Variants in OLFM3 observed in about 807,000 individuals in gnomAD.
The protein encoded by OLFM3 is olfactomedin 3, also known as noelin-3.
A neutral mutation model predicts 48.6 loss-of-function variants in OLFM3; 20 were observed. The ratio of observed to expected loss-of-function variants is 0.41; its 90% CI spans 0.29 to 0.60. The LOEUF (loss-of-function observed/expected upper bound fraction) is 0.60, where lower values mean the gene tolerates loss of function less well. Ranked by LOEUF, OLFM3 falls within the 20% of genes least tolerant of loss-of-function variation. OLFM3 has a pLI of 0.28. For synonymous variants in OLFM3, 222 were observed against 198.1 expected, an observed-to-expected ratio of 1.12 and a Z score of -1.01; for missense variants, 437 against 544.3, an observed-to-expected ratio of 0.80 and a Z score of 1.96.
At chr1:101,807,704 G>T (rs555751788) in intron 4 of OLFM3, among the ~76,000 whole-genome samples, 1 of 151,696 alleles carries the variant, frequency 6.6e-6, no homozygotes, top group African/African-American at 2.4e-5. Context: ...AACTTGAATC[G>T]AATATATTTT....
chr1:101,904,282 A>G (rs1658485789), intron 1 of OLFM3, among the ~76,000 whole-genome samples: 1 of 152,156 alleles, frequency 6.6e-6, no homozygotes, highest in Non-Finnish European at 1.5e-5. Context: ...TGGTCAGGGT[A>G]AATTGGAACA....
intron 1 of OLFM3, among the ~76,000 whole-genome samples, chr1:101,896,361 T>C (rs1658200025): frequency 6.6e-6 from 1 of 152,152 alleles, no homozygotes; most frequent in African/African-American, 2.4e-5. Context: ...ATGGCACTTG[T>C]TACTAAAAAC....
intron 1 of OLFM3, among the ~76,000 whole-genome samples, chr1:101,975,200 C>T (rs375259599): frequency 1.2e-4 from 18 of 152,198 alleles, no homozygotes; most frequent in East Asian, 1.2e-3. Flanking sequence ...TACAGTGGTG[C>T]GGATATTGTC....
At chr1:101,902,067 A>G (rs1001385812) in intron 1 of OLFM3, among the ~76,000 whole-genome samples, 2 of 152,006 alleles carry the variant, frequency 1.3e-5, no homozygotes, top group African/African-American at 4.8e-5. Context: ...TACTATTGAA[A>G]GGTGAAAGGA....
chr1:101,833,173 G>A (rs1249392517), intron 2 of OLFM3, among the ~76,000 whole-genome samples: 2 of 152,186 alleles, frequency 1.3e-5, no homozygotes, highest in Non-Finnish European at 2.9e-5. Flanking sequence ...TTCTGCCTTT[G>A]ACTCACCCTA....
chr1:101,839,511 C>A (rs537084252), intron 1 of OLFM3, among the ~76,000 whole-genome samples: 9 of 152,296 alleles, frequency 5.9e-5, no homozygotes, highest in Admixed American at 2.0e-4. Context: ...GGACGCAAAT[C>A]TAAAATATGC....
At position 101,830,791 on chromosome 1, in the gene OLFM3, A is replaced by G. The variant is rs1379455270; in HGVS notation, c.253T>C (p.Leu85=). 1.2e-6 allele frequency: 2 copies of G among 1,613,932 alleles called. No homozygotes were observed. The highest frequency in any genetic ancestry group is 1.7e-6 in the Non-Finnish European group (2 of 1,179,928). ...TATTGGAAATCTCTCTGAGTTCTCA[A>G]GTTTAAGACTTCAATAGACTGGGAC... ...NMSQSIEVLN[L]RTQRDFQYVL... is the part of the protein sequence containing the mutation. Residue 85 remains leucine, a synonymous_variant, in exon 3 of 6, where the codon TTG becomes CTG. Coordinates refer to ENST00000370103, the MANE Select transcript of OLFM3 (RefSeq NM_058170.4).
intron 1 of OLFM3, among the ~76,000 whole-genome samples, chr1:101,944,849 C>G (rs147031187): frequency 0.016 from 2,347 of 148,536 alleles, 24 homozygotes; most frequent in African/African-American, 0.022. Flanking sequence ...CACTGCACTC[C>G]AGCCTGGGCG....
intron 1 of OLFM3, among the ~76,000 whole-genome samples, chr1:101,888,804 G>GA (rs1202415453): frequency 6.6e-6 from 1 of 152,020 alleles, no homozygotes; most frequent in Admixed American, 6.6e-5. Context: ...AAATTTGCAA[G>GA]AAAAAAATCA....
chr1:101,925,140 T>C (rs1659229525), intron 1 of OLFM3, among the ~76,000 whole-genome samples: 1 of 152,148 alleles, frequency 6.6e-6, no homozygotes, highest in East Asian at 1.9e-4. Context: ...ATGGCCTGCT[T>C]GGGAAGGAGA....
chr1:101,831,427 G>C lies in OLFM3; in HGVS notation c.217-600C>G, dbSNP rs568430971. Among the ~76,000 whole-genome samples, 5 of 152,292 alleles carry C rather than the reference G, an allele frequency of 3.3e-5. No individual in the cohort carries two copies. In the East Asian group the frequency reaches 9.6e-4, roughly 29 times the overall value. On this transcript the variant is annotated intron_variant, in intron 2 of 5. Transcript: ENST00000370103. Reference sequence around the variant, plus strand: ...GGGTAACTGCATCAAGTGCTTGGTAGACAGGACTTAAACACATTTTAAGCC... The same window carrying C: ...GGGTAACTGCATCAAGTGCTTGGTACACAGGACTTAAACACATTTTAAGCC...
At chr1:101,877,209 C>T (rs368883440) in intron 1 of OLFM3, among the ~76,000 whole-genome samples, 4 of 151,950 alleles carry the variant, frequency 2.6e-5, no homozygotes, top group Non-Finnish European at 5.9e-5. Flanking sequence ...AGTCTGGATT[C>T]GCAAGTTGAA....
At chr1:101,869,835 C>T (rs1017939173) in intron 1 of OLFM3, among the ~76,000 whole-genome samples, 5 of 151,978 alleles carry the variant, frequency 3.3e-5, no homozygotes, top group Admixed American at 6.6e-5. Context: ...CTCTTGCTGC[C>T]GTGTGAAGAA....
At chr1:101,978,272 T>A (rs1354024878) in intron 1 of OLFM3, among the ~76,000 whole-genome samples, 3 of 152,260 alleles carry the variant, frequency 2.0e-5, no homozygotes, top group African/African-American at 7.2e-5. Context: ...TTATTTATTA[T>A]GATTTTGCAT....
At chr1:101,943,305 G>A (rs1659851001) in intron 1 of OLFM3, among the ~76,000 whole-genome samples, 1 of 152,126 alleles carries the variant, frequency 6.6e-6, no homozygotes, top group African/African-American at 2.4e-5. Context: ...CTTCAGCCTG[G>A]GCTATGAGCT....
intron 1 of OLFM3, among the ~76,000 whole-genome samples, chr1:101,959,434 C>G (rs1215532055): frequency 6.6e-6 from 1 of 151,712 alleles, no homozygotes; most frequent in Non-Finnish European, 1.5e-5. Flanking sequence ...AACTTGAGTG[C>G]ATTGTTCACT....
rs553248362 is a variant in OLFM3 at position 101,826,828 on chromosome 1, G to T, written c.373-1583C>A. Among the ~76,000 whole-genome samples the T allele has an allele frequency of 7.9e-5, 12 of 152,178 alleles. No homozygotes were observed. The East Asian group carries it at 2.3e-3, about 29-fold the overall frequency. ...GGATTTTAATGAAAATATTTCTGTG[G>T]TTATCATTTTCTGCACATTATAACA... On this transcript the variant is annotated intron_variant, in intron 3 of 5. Coordinates refer to ENST00000370103, the MANE Select transcript of OLFM3 (RefSeq NM_058170.4).
At chr1:101,805,532 G>A (rs189270824) in intron 5 of OLFM3, among the ~76,000 whole-genome samples, 1 of 151,864 alleles carries the variant, frequency 6.6e-6, no homozygotes, top group African/African-American at 2.4e-5. Flanking sequence ...CAAGTTTCTA[G>A]TATATTGATT....
Position 101,804,172 on chromosome 1 carries a change from G to T in OLFM3, c.*66C>A. ...AAAAATAATAGTGAAGAAAAAAACG[G>T]AAGGGGTCTTATAGAGTTTATCACA... On this transcript the variant is annotated 3_prime_UTR_variant, in exon 6 of 6. Coordinates refer to ENST00000370103, the MANE Select transcript of OLFM3 (RefSeq NM_058170.4). The surrounding 1 kb of genome is among the most constrained non-coding windows in gnomAD (Gnocchi z 4.5). 1 of 1,219,542 alleles carries T rather than the reference G, an allele frequency of 8.2e-7. No individual in the cohort carries two copies. The highest frequency in any genetic ancestry group is 1.7e-5 in the South Asian group (1 of 57,818). The allele number at this position is 1,219,542 out of a possible 1,614,324, so 75.5% of individuals were successfully genotyped here.
Sources: allele counts gnomAD v4.1 joint callset (sites outside exome capture counted in the v4.1 genomes callset), GRCh38; gene constraint gnomAD v4.1.1; non-coding constraint Gnocchi (gnomAD v3.1); transcripts MANE v1.5; gene names NCBI Gene and HGNC (gene_info 2026-07-23, HGNC 2026-07-21).